PCDH15: variants seen among roughly 807,000 people sequenced by gnomAD.
The protein encoded by PCDH15 is protocadherin related 15.
A neutral mutation model predicts 178.5 loss-of-function variants in PCDH15; 129 were observed. The ratio of observed to expected loss-of-function variants is 0.72; its 90% CI spans 0.63 to 0.84. The LOEUF (loss-of-function observed/expected upper bound fraction) is 0.84. PCDH15 is among the 40% of genes least tolerant of loss of function. The probability of loss-of-function intolerance (pLI) is 0.00; values close to 1 mark genes in which losing one functional copy is unlikely to be tolerated. For synonymous variants in PCDH15, 800 were observed against 732.0 expected (o/e 1.09, Z -1.50); for missense variants, 2,230 against 2,099.9 (o/e 1.06, Z -1.21).
chr10:55,515,427 T>A (rs907967138), intron 2 of PCDH15, among the ~76,000 whole-genome samples: 8 of 152,184 alleles, frequency 5.3e-5, no homozygotes, highest in Non-Finnish European at 7.3e-5. Context: ...TGTAAAAGAT[T>A]GAATGCAGAA....
At chr10:53,953,717 T>C (rs567663935) in intron 23 of PCDH15, among the ~76,000 whole-genome samples, 2 of 152,352 alleles carry the variant, frequency 1.3e-5, no homozygotes, top group Admixed American at 1.3e-4. Context: ...TGTAAAATTC[T>C]TCAATAATTT....
At chr10:55,316,861 A>G (rs1291480313) in intron 1 of PCDH15, among the ~76,000 whole-genome samples, 1 of 152,174 alleles carries the variant, frequency 6.6e-6, no homozygotes, top group Non-Finnish European at 1.5e-5. Context: ...AGTGGCTAAT[A>G]TTGTTCTGAT....
intron 2 of PCDH15, chr10:55,597,214 T>G (rs960353326): frequency 6.6e-6 from 1 of 152,178 alleles, no homozygotes; most frequent in Non-Finnish European, 1.5e-5. Context: ...CATTCATGCT[T>G]GAAGGGCATA....
chr10:54,622,689 TA>T lies in PCDH15; in HGVS notation c.91+41482del, dbSNP rs1411036313. Among the ~76,000 whole-genome samples the T allele has an allele frequency of 4.0e-4, 31 of 78,296 alleles. 2 individuals are homozygous for T. Among genetic ancestry groups the T allele is most frequent in the African/African-American group, 1.5e-3 (27 of 18,116 alleles). 51.4% of individuals were successfully genotyped at this position (78,296 alleles called of 152,430 possible). On this transcript the variant is annotated intron_variant, in intron 2 of 37. Transcript: ENST00000644397. ...TATATTATATATAATATATATTATATAATATATATTTTCTATATATTATATA... is the reference window on the plus strand; with the variant it reads ...TATATTATATATAATATATATTATATATATATATTTTCTATATATTATATA...
At chr10:55,097,747 T>C (rs1842480627) in intron 2 of PCDH15, among the ~76,000 whole-genome samples, 1 of 152,014 alleles carries the variant, frequency 6.6e-6, no homozygotes, top group Admixed American at 6.6e-5. Flanking sequence ...TAAAACAGAA[T>C]CCTGAAGAGT....
chr10:54,514,601 G>A (rs2082024185), intron 3 of PCDH15, among the ~76,000 whole-genome samples: 1 of 147,620 alleles, frequency 6.8e-6, no homozygotes, highest in African/African-American at 2.5e-5. Context: ...GATTTAGCTG[G>A]AATTTTGAAA....
intron 3 of PCDH15, among the ~76,000 whole-genome samples, chr10:54,518,293 A>G (rs915215624): frequency 1.3e-5 from 2 of 152,204 alleles, no homozygotes; most frequent in African/African-American, 2.4e-5. Context: ...TGAAAAGATC[A>G]ACAAAATTGA....
At chr10:54,323,289 G>T (rs1242678822) in intron 7 of PCDH15, among the ~76,000 whole-genome samples, 11 of 152,116 alleles carry the variant, frequency 7.2e-5, no homozygotes, top group African/African-American at 2.4e-4. Flanking sequence ...TTCAGACACT[G>T]TGGAAAGCAG....
intron 2 of PCDH15, among the ~76,000 whole-genome samples, chr10:55,009,901 T>C (rs1175328783): frequency 3.3e-5 from 5 of 152,168 alleles, no homozygotes; most frequent in African/African-American, 1.2e-4. Flanking sequence ...CTCTTCTAAA[T>C]AGCATCCTGC....
chr10:55,082,077 C>T (rs1326194330), intron 2 of PCDH15, among the ~76,000 whole-genome samples: 2 of 152,040 alleles, frequency 1.3e-5, no homozygotes, highest in Non-Finnish European at 2.9e-5. Context: ...ACCAAATGGA[C>T]CTAACAGATA....
chr10:55,041,548 G>A (rs1840863319), intron 2 of PCDH15, among the ~76,000 whole-genome samples: 1 of 152,020 alleles, frequency 6.6e-6, no homozygotes, highest in Non-Finnish European at 1.5e-5. Context: ...GAAATGTCCT[G>A]CATTTTTTTT....
chr10:54,191,938 GAAAGAAAAA>G (rs1478618472), intron 11 of PCDH15, among the ~76,000 whole-genome samples: 3 of 138,998 alleles, frequency 2.2e-5, no homozygotes, highest in African/African-American at 8.1e-5. Context: ...AAAAGCAAGG[GAAAGAAAAA>G]AAAGAAAAGA....
At chr10:53,870,948 T>C (rs1245018978) in intron 26 of PCDH15, among the ~76,000 whole-genome samples, 3 of 152,178 alleles carry the variant, frequency 2.0e-5, no homozygotes, top group African/African-American at 7.2e-5. Context: ...CTCTATTTGT[T>C]GTTAAATAAT....
intron 2 of PCDH15, among the ~76,000 whole-genome samples, chr10:54,922,977 A>G (rs1837532246): frequency 6.6e-6 from 1 of 152,186 alleles, no homozygotes; most frequent in Admixed American, 6.5e-5. Flanking sequence ...GCACTGCCCT[A>G]GTAGAGGTTC....
intron 2 of PCDH15, among the ~76,000 whole-genome samples, chr10:55,587,431 A>G (rs868505944): frequency 1.3e-5 from 2 of 151,972 alleles, no homozygotes; most frequent in South Asian, 4.1e-4. Flanking sequence ...GGTACGGAAA[A>G]ATATATATTT....
chr10:54,817,529 C>G (rs545455551), intron 3 of PCDH15, among the ~76,000 whole-genome samples: 2 of 151,930 alleles, frequency 1.3e-5, no homozygotes, highest in East Asian at 3.9e-4. Flanking sequence ...CCTGTGACCT[C>G]GCCCATCACC....
At chr10:55,439,220 T>C (rs559500404) in intron 2 of PCDH15, among the ~76,000 whole-genome samples, 1 of 152,250 alleles carries the variant, frequency 6.6e-6, no homozygotes, top group East Asian at 1.9e-4. Context: ...CCAAGTCACA[T>C]ACACAGGAAA....
chr10:55,154,589 G>A lies in PCDH15; in HGVS notation c.-80+11987C>T, dbSNP rs115625834. ...GTGAAGGGTGCAGCAGCTACAAAGA[G>A]GATCAATAATACTATGCTTCATGCC... On this transcript the variant is annotated intron_variant, in intron 2 of 5. Coordinates refer to the PCDH15 transcript ENST00000458638. Among the ~76,000 whole-genome samples, 838 of 152,174 alleles carry A rather than the reference G, an allele frequency of 5.5e-3. 5 individuals are homozygous for A. Among genetic ancestry groups the A allele is most frequent in the African/African-American group, 0.019 (787 of 41,524 alleles).
At chr10:54,647,885 A>C (rs2094165676) in intron 2 of PCDH15, among the ~76,000 whole-genome samples, 1 of 151,882 alleles carries the variant, frequency 6.6e-6, no homozygotes, top group South Asian at 2.1e-4. Context: ...CCTGTTTCTT[A>C]CTCCTTCTTC....
Sources: allele counts gnomAD v4.1 joint callset (sites outside exome capture counted in the v4.1 genomes callset), GRCh38; gene constraint gnomAD v4.1.1; transcripts MANE v1.5; gene names NCBI Gene and HGNC (gene_info 2026-07-23, HGNC 2026-07-21).